Variants in CD69 observed in about 807,000 individuals in gnomAD.
CD69 encodes CD69 molecule.
Under a neutral mutation model 21.4 loss-of-function variants are expected in CD69, and 10 were observed. That is an observed-to-expected ratio of 0.47 (90% CI 0.29 to 0.79). The LOEUF is 0.79. Ranked by LOEUF, CD69 falls within the 30% of genes least tolerant of loss-of-function variation. The probability of loss-of-function intolerance (pLI) is 0.09; values close to 1 mark genes in which losing one functional copy is unlikely to be tolerated. For synonymous variants in CD69, 63 were observed against 78.2 expected (o/e 0.81, Z 1.03); for missense variants, 204 against 236.9 (o/e 0.86, Z 0.91).
intron 1 of CD69, among the ~76,000 whole-genome samples, chr12:9,757,447 C>A (rs2121101173): frequency 6.6e-6 from 1 of 152,244 alleles, no homozygotes; most frequent in Middle Eastern, 3.4e-3. Context: ...TCTCAAAATG[C>A]CTTGTGCAAG....
intron 3 of CD69, 91 bp downstream of exon 3, chr12:9,754,971 T>A: frequency 9.3e-7 from 1 of 1,080,012 alleles, no homozygotes; most frequent in South Asian, 1.4e-5. Flanking sequence ...GTTTGTTTGT[T>A]TGTTTGTTTT....
In CD69 at chr12:9,757,280, G is replaced by A. The variant is rs763802620; in HGVS notation, c.65-861C>T. Among the ~76,000 whole-genome samples, 5 of 152,258 alleles carry A rather than the reference G, an allele frequency of 3.3e-5. No individual in the cohort carries two copies. The East Asian group carries it at 9.6e-4, about 29-fold the overall frequency. On this transcript the variant is annotated intron_variant, in intron 1 of 4. Transcript: ENST00000228434. Reference sequence around the variant, plus strand: ...GACAGTATTTTTTGGTGAAGTTGCTGCAGATGTGGAGCAACTGGAATTTTC... The same window carrying A: ...GACAGTATTTTTTGGTGAAGTTGCTACAGATGTGGAGCAACTGGAATTTTC...
In CD69 at chr12:9,755,101, A is replaced by T. The variant is rs1444064138; in HGVS notation, c.348T>A (p.His116Gln). 6.2e-7 allele frequency: 1 copy of T among 1,613,976 alleles called. No individual in the cohort carries two copies. Among genetic ancestry groups the T allele is most frequent in the Non-Finnish European group, 8.5e-7 (1 of 1,179,956 alleles). ...AATCAATGACAGCAAGAGTAGCACC[A>T]TGTTCAGAACAAGCATTTTGGGCTG... ...WTSAQNACSE[H>Q]GATLAVIDSE... is the part of the protein sequence containing the mutation. Residue 116 changes from histidine (H) to glutamine (Q), a missense_variant, in exon 3 of 5, where the codon CAT becomes CAA. Coordinates refer to ENST00000228434, the MANE Select transcript of CD69 (RefSeq NM_001781.2).
intron 1 of CD69, among the ~76,000 whole-genome samples, chr12:9,759,429 T>C (rs2121104278): frequency 6.6e-6 from 1 of 151,964 alleles, no homozygotes; most frequent in East Asian, 1.9e-4. Flanking sequence ...TCAGGAAAAG[T>C]TAAAAATTTC....
chr12:9,758,311 C>A (rs893776105), intron 1 of CD69, among the ~76,000 whole-genome samples: 10 of 152,060 alleles, frequency 6.6e-5, no homozygotes, highest in African/African-American at 2.4e-4. Flanking sequence ...TTCTCAAAAA[C>A]CAAAATGTAA....
intron 1 of CD69, among the ~76,000 whole-genome samples, chr12:9,759,465 GCTCT>G (rs1226675740): frequency 6.7e-6 from 1 of 149,878 alleles, no homozygotes; most frequent in African/African-American, 2.5e-5. Context: ...TTTCACCTAT[GCTCT>G]CTATTTATTG....
At position 9,756,343 on chromosome 12, in the gene CD69, A is replaced by C. The variant is rs1315917165; in HGVS notation, c.141T>G (p.Asn47Lys). The change falls in exon 2 of 5, where the codon AAT becomes AAG. Residue 47 changes from asparagine to lysine, a missense_variant. By Grantham distance (94) the Asn-to-Lys change is moderately conservative. Coordinates refer to ENST00000228434, the MANE Select transcript of CD69 (RefSeq NM_001781.2). Reference sequence around the variant, plus strand: ...TGATTAAAATGGTGATGAAGACCACATTCATTACAGCACACAGGACAGGAA... The same window carrying C: ...TGATTAAAATGGTGATGAAGACCACCTTCATTACAGCACACAGGACAGGAA... ...FQVPVLCAVMNVVFITILIIA... is the reference protein window; with the variant it reads ...FQVPVLCAVMKVVFITILIIA... 1.2e-6 allele frequency: 2 copies of C among 1,613,254 alleles called. No individual in the cohort carries two copies.
chr12:9,756,331 G>C lies in CD69; in HGVS notation c.153C>G (p.Ile51Met). The change falls in exon 2 of 5, where the codon ATC becomes ATG. Residue 51 changes from isoleucine (I) to methionine (M), a missense_variant. Transcript: ENST00000228434. ...VLCAVMNVVF[I>M]TILIIALIAL... ...CAATGAGAGCTATGATTAAAATGGT[G>C]ATGAAGACCACATTCATTACAGCAC... 6.2e-7 allele frequency: 1 copy of C among 1,613,282 alleles called. No individual in the cohort carries two copies. The highest frequency in any genetic ancestry group is 8.5e-7 in the Non-Finnish European group (1 of 1,179,334).
intron 4 of CD69, chr12:9,754,345 T>G: frequency 3.4e-6 from 1 of 293,260 alleles, no homozygotes; most frequent in Non-Finnish European, 6.3e-6. Flanking sequence ...ACTACTCACA[T>G]TAGAGTTTGC....
rs1408307556 is a variant in CD69, at chr12:9,753,361, C to T, written c.*120G>A. On this transcript the variant is annotated 3_prime_UTR_variant, in exon 5 of 5. Transcript: ENST00000228434. ...TGTTTGGAAGAAAATTCCCAAGACA[C>T]TATAAAATTTTTTTTCACAAAGTCT... The T allele has an allele frequency of 2.2e-6, 1 of 445,820 alleles. No individual in the cohort carries two copies. Among genetic ancestry groups the T allele is most frequent in the African/African-American group, 2.1e-5 (1 of 48,486 alleles). The allele number at this position is 445,820 out of a possible 1,614,324, so 27.6% of individuals were successfully genotyped here.
intron 1 of CD69, among the ~76,000 whole-genome samples, chr12:9,757,732 A>G (rs1053657371): frequency 1.3e-5 from 2 of 152,250 alleles, no homozygotes; most frequent in Admixed American, 6.5e-5. Context: ...GTCAAAAATC[A>G]GAACAGTAGT....
intron 1 of CD69, among the ~76,000 whole-genome samples, chr12:9,757,361 A>G (rs1016334257): frequency 2.0e-5 from 3 of 152,150 alleles, no homozygotes; most frequent in Admixed American, 6.5e-5. Flanking sequence ...TGTTTCTTAT[A>G]AAATTAAATA....
At chr12:9,755,036 G>A in intron 3 of CD69, 26 bp downstream of exon 3, 2 of 1,553,476 alleles carry the variant, frequency 1.3e-6, no homozygotes, top group South Asian at 2.2e-5. Flanking sequence ...TAAAATAGTA[G>A]TATTTTATCT....
chr12:9,760,239 C>G (rs1866720380), intron 1 of CD69, among the ~76,000 whole-genome samples: 1 of 151,804 alleles, frequency 6.6e-6, no homozygotes, highest in African/African-American at 2.4e-5. Context: ...GTCATGAGAA[C>G]ACAGGATAAG....
At chr12:9,759,049 C>A (rs1022178452) in intron 1 of CD69, among the ~76,000 whole-genome samples, 2 of 152,078 alleles carry the variant, frequency 1.3e-5, no homozygotes, top group African/African-American at 4.8e-5. Flanking sequence ...CCTGCCTCAG[C>A]CTCCTAAGTA....
chr12:9,756,310 G>T lies in CD69; in HGVS notation c.174C>A (p.Leu58=). The change falls in exon 2 of 5, where the codon CTC becomes CTA. Residue 58 remains leucine (L), a synonymous_variant. Transcript: ENST00000228434. The part of the protein sequence containing the change: ...VVFITILIIA[L]IALSVGQYNC... ...GTGTAGACCCACCTGATAAGGCAAT[G>T]AGAGCTATGATTAAAATGGTGATGA... 6.2e-7 allele frequency: 1 copy of T among 1,613,176 alleles called. No homozygotes were observed. The highest frequency in any genetic ancestry group is 1.1e-5 in the South Asian group (1 of 90,988).
chr12:9,754,959 A>G, intron 3 of CD69, 103 bp downstream of exon 3: 1 of 987,700 alleles, frequency 1.0e-6, no homozygotes, highest in Non-Finnish European at 1.5e-6. Flanking sequence ...AATAGGTACA[A>G]TGTTTGTTTG....
At chr12:9,756,528 T>A in intron 1 of CD69, 109 bp from the exon 2 acceptor site, 1 of 900,462 alleles carries the variant, frequency 1.1e-6, no homozygotes, top group Non-Finnish European at 1.6e-6. Flanking sequence ...TCTCATTATA[T>A]GAAATTTCCC....
rs1280442351 is a variant in CD69 at position 9,753,057 on chromosome 12, A to G, written c.*424T>C. 1 of 152,856 alleles carries G rather than the reference A, an allele frequency of 6.5e-6. No homozygotes were observed. The highest frequency in any genetic ancestry group is 6.5e-5 in the Admixed American group (1 of 15,290). 9.5% of individuals were successfully genotyped at this position (152,856 alleles called of 1,614,324 possible). On this transcript the variant is annotated 3_prime_UTR_variant, in exon 5 of 5. Coordinates refer to ENST00000228434, the MANE Select transcript of CD69 (RefSeq NM_001781.2). ...GTTACCAGCCATAATTCCTTTGTTTACATTCAGTATCTAGTACCAACATCT... is the reference window on the plus strand; with the variant it reads ...GTTACCAGCCATAATTCCTTTGTTTGCATTCAGTATCTAGTACCAACATCT...
Sources: gnomAD v4.1 joint callset for allele counts (sites outside exome capture counted in the v4.1 genomes callset) on GRCh38, gnomAD v4.1.1 for gene constraint, MANE v1.5 for transcripts, NCBI Gene and HGNC (gene_info 2026-07-23, HGNC 2026-07-21) for gene names.